Variants in ZCCHC7 observed in about 807,000 individuals in gnomAD.
ZCCHC7 encodes zinc finger CCHC-type containing 7.
Under a neutral mutation model 52.0 loss-of-function variants are expected in ZCCHC7, and 35 were observed. The ratio of observed to expected loss-of-function variants is 0.67; its 90% CI spans 0.51 to 0.89. ZCCHC7 has a LOEUF of 0.89. Ranked by LOEUF, ZCCHC7 falls within the 40% of genes least tolerant of loss-of-function variation. The pLI is 0.00. For synonymous variants in ZCCHC7, 217 were observed against 221.5 expected (o/e 0.98, Z 0.18); for missense variants, 574 against 649.1 (o/e 0.88, Z 1.26).
intron 2 of ZCCHC7, among the ~76,000 whole-genome samples, chr9:37,166,189 G>A (rs1450252356): frequency 1.3e-5 from 2 of 152,056 alleles, no homozygotes; most frequent in Admixed American, 6.5e-5. Flanking sequence ...GAGGTCAGGA[G>A]TTCGAGACCA....
At chr9:37,277,291 A>G (rs915376020) in intron 2 of ZCCHC7, among the ~76,000 whole-genome samples, 6 of 152,226 alleles carry the variant, frequency 3.9e-5, no homozygotes, top group African/African-American at 1.4e-4. Context: ...TATTTAGTAC[A>G]TAAAATCTAA....
At chr9:37,195,535 C>G (rs964357992) in intron 2 of ZCCHC7, among the ~76,000 whole-genome samples, 8 of 151,968 alleles carry the variant, frequency 5.3e-5, no homozygotes, top group African/African-American at 1.9e-4. Flanking sequence ...GATGACTATC[C>G]TGGGGTGAAT....
At chr9:37,150,070 C>CT (rs1431341205) in intron 2 of ZCCHC7, among the ~76,000 whole-genome samples, 1 of 152,178 alleles carries the variant, frequency 6.6e-6, no homozygotes, top group Non-Finnish European at 1.5e-5. Context: ...GAAATGAATG[C>CT]TCCTAAGGAA....
At chr9:37,303,835 G>A (rs1443754510) in intron 3 of ZCCHC7, among the ~76,000 whole-genome samples, 1 of 151,426 alleles carries the variant, frequency 6.6e-6, no homozygotes, top group Admixed American at 6.6e-5. Flanking sequence ...AGCTAGTTTT[G>A]TATTTTTAGT....
chr9:37,223,985 C>T (rs1230700704), intron 2 of ZCCHC7, among the ~76,000 whole-genome samples: 6 of 152,030 alleles, frequency 3.9e-5, no homozygotes, highest in Non-Finnish European at 8.8e-5. Context: ...GATAGGATTA[C>T]AGAGGTTTAT....
chr9:37,357,932 T>A lies in ZCCHC7; in HGVS notation c.*664T>A, dbSNP rs1821808939. The A allele has an allele frequency of 6.6e-6, 1 of 152,104 alleles. No homozygotes were observed. The highest frequency in any genetic ancestry group is 1.5e-5 in the Non-Finnish European group (1 of 68,020). 9.4% of individuals were successfully genotyped at this position (152,104 alleles called of 1,614,324 possible). A position where few individuals can be genotyped will look rare whatever the true frequency, so the allele number is the denominator to read the frequency against. ...AAAAGAGACATCAAAAATTTTAACA[T>A]AATCACAATGAAATCATTTTTTACC... On this transcript the variant is annotated 3_prime_UTR_variant, in exon 9 of 9. Coordinates refer to ENST00000336755, the MANE Select transcript of ZCCHC7 (RefSeq NM_032226.3).
chr9:37,283,292 A>G (rs1828058958), intron 2 of ZCCHC7, among the ~76,000 whole-genome samples: 1 of 152,172 alleles, frequency 6.6e-6, no homozygotes, highest in African/African-American at 2.4e-5. Flanking sequence ...ATTGTTGTAG[A>G]AAAATGTATA....
intron 7 of ZCCHC7, among the ~76,000 whole-genome samples, chr9:37,350,882 G>A (rs190937737): frequency 2.0e-5 from 3 of 152,356 alleles, no homozygotes; most frequent in African/African-American, 7.2e-5. Context: ...TAGGCTTCTA[G>A]TAGCCTAGAA....
At chr9:37,145,742 T>G (rs1192874886) in intron 2 of ZCCHC7, among the ~76,000 whole-genome samples, 2 of 151,976 alleles carry the variant, frequency 1.3e-5, no homozygotes, top group Non-Finnish European at 2.9e-5. Flanking sequence ...AAAAAAATTC[T>G]TATTAAAATC....
intron 2 of ZCCHC7, among the ~76,000 whole-genome samples, chr9:37,226,105 G>C (rs1825083344): frequency 6.6e-6 from 1 of 152,130 alleles, no homozygotes. Flanking sequence ...TTTTTTGTAA[G>C]AAACAAGGTC....
intron 2 of ZCCHC7, among the ~76,000 whole-genome samples, chr9:37,197,198 G>C (rs958789121): frequency 6.6e-6 from 1 of 151,946 alleles, no homozygotes; most frequent in African/African-American, 2.4e-5. Context: ...CCAGCCTCTA[G>C]TGTGATACTT....
intron 2 of ZCCHC7, among the ~76,000 whole-genome samples, chr9:37,150,999 C>G (rs1028390399): frequency 2.8e-5 from 4 of 142,714 alleles, no homozygotes; most frequent in African/African-American, 1.0e-4. Flanking sequence ...GAGTCTTGCT[C>G]TGTTGCTCTG....
chr9:37,194,292 T>TA (rs1823170960), intron 2 of ZCCHC7, among the ~76,000 whole-genome samples: 1 of 152,204 alleles, frequency 6.6e-6, no homozygotes, highest in African/African-American at 2.4e-5. Context: ...TAAGAGATGA[T>TA]ACAGAGGTCC....
chr9:37,256,061 G>A (rs1826570965), intron 2 of ZCCHC7, among the ~76,000 whole-genome samples: 1 of 152,060 alleles, frequency 6.6e-6, no homozygotes, highest in African/African-American at 2.4e-5. Context: ...ATTGTTTCCA[G>A]CATTTACCTG....
At chr9:37,245,564 C>T (rs1490296106) in intron 2 of ZCCHC7, among the ~76,000 whole-genome samples, 1 of 151,838 alleles carries the variant, frequency 6.6e-6, no homozygotes, top group African/African-American at 2.4e-5. Flanking sequence ...TAGTTCGTAG[C>T]CTAAGAGAGA....
At chr9:37,296,881 T>TTGTGTATGTG (rs1396008500) in intron 2 of ZCCHC7, among the ~76,000 whole-genome samples, 178 of 124,206 alleles carry the variant, frequency 1.4e-3, no homozygotes, top group African/African-American at 5.1e-3. Flanking sequence ...CCTGGCTAGT[T>TTGTGTATGTG]TGTGTGTGTG....
chr9:37,176,363 G>A (rs924933595), intron 2 of ZCCHC7, among the ~76,000 whole-genome samples: 11 of 152,118 alleles, frequency 7.2e-5, no homozygotes, highest in Admixed American at 2.0e-4. Context: ...GTGAGCCACC[G>A]CGCCCAGTCT....
In ZCCHC7 at chr9:37,268,884, G is replaced by A. The variant is rs1020596675; in HGVS notation, c.611-33304G>A. Among the ~76,000 whole-genome samples the A allele has an allele frequency of 5.9e-5, 9 of 152,284 alleles. 1 individual carries two copies. The highest frequency in any genetic ancestry group is 1.9e-4 in the African/African-American group (8 of 41,550). ...TGTATTGAATACTACTGTATGCTAT[G>A]TTAGGGATAAGAAGTGACCCAGACT... is the stretch of plus-strand genomic sequence containing the variant. On this transcript the variant is annotated intron_variant, in intron 2 of 8. Coordinates refer to ENST00000336755, the MANE Select transcript of ZCCHC7 (RefSeq NM_032226.3).
chr9:37,151,199 C>T (rs1820506551), intron 2 of ZCCHC7, among the ~76,000 whole-genome samples: 1 of 151,984 alleles, frequency 6.6e-6, no homozygotes, highest in South Asian at 2.1e-4. Flanking sequence ...ATCTCCTGAC[C>T]TCGTGATCCA....
Sources: gnomAD v4.1 joint callset for allele counts (sites outside exome capture counted in the v4.1 genomes callset) on GRCh38, gnomAD v4.1.1 for gene constraint, MANE v1.5 for transcripts, NCBI Gene and HGNC (gene_info 2026-07-23, HGNC 2026-07-21) for gene names.